CD163L1: variants seen among roughly 807,000 people sequenced by gnomAD.
The protein encoded by CD163L1 is CD163 molecule like 1.
In CD163L1, 124 loss-of-function variants were observed where a neutral mutation model predicts 165.4. The ratio of observed to expected loss-of-function variants is 0.75; its 90% CI spans 0.65 to 0.87. The LOEUF (loss-of-function observed/expected upper bound fraction) is 0.87, where lower values mean the gene tolerates loss of function less well. Among genes scored for constraint, CD163L1 ranks in the 40% least tolerant of loss-of-function variants. The probability of loss-of-function intolerance (pLI) is 0.00; values close to 1 mark genes in which losing one functional copy is unlikely to be tolerated. For synonymous variants in CD163L1, 585 were observed against 662.2 expected (o/e 0.88, Z 1.79); for missense variants, 1,525 against 1,799.9 (o/e 0.85, Z 2.76).
At chr12:7,425,520 A>C (rs1948526065) in intron 4 of CD163L1, among the ~76,000 whole-genome samples, 1 of 152,230 alleles carries the variant, frequency 6.6e-6, no homozygotes, top group African/African-American at 2.4e-5. Context: ...TGCTCTGCAA[A>C]AGAAGTGAAC....
At chr12:7,320,033 C>G in the CD163L1 span, among the ~76,000 whole-genome samples, 5 of 152,124 alleles carry the variant, frequency 3.3e-5, no homozygotes, top group Non-Finnish European at 7.4e-5. Context: ...CTGTGACAAT[C>G]CAGGCAGCCC....
Position 7,403,826 on chromosome 12 carries a change from C to G in CD163L1, c.1117G>C (p.Asp373His). 1 of 1,613,504 alleles carries G rather than the reference C, an allele frequency of 6.2e-7. No individual in the cohort carries two copies. The highest frequency in any genetic ancestry group is 8.5e-7 in the Non-Finnish European group (1 of 1,179,816). The change falls in exon 6 of 20, where the codon GAT (aspartate) becomes CAT (histidine). Residue 373 changes from aspartate (D) to histidine (H), a missense_variant. By Grantham distance (81) the Asp-to-His change is moderately conservative. Coordinates refer to ENST00000313599, the MANE Select transcript of CD163L1 (RefSeq NM_174941.6). ...CTCCCTGAACAATTGTTACTTCCAT[C>G]TGCTAGTCGCAGTTCCAAATCTGCT... ...DGADLELRLA[D>H]GSNNCSGRVE... is the part of the protein sequence containing the mutation.
At chr12:7,434,269 C>A (rs1250721815) in intron 2 of CD163L1, among the ~76,000 whole-genome samples, 1 of 152,130 alleles carries the variant, frequency 6.6e-6, no homozygotes, top group African/African-American at 2.4e-5. Context: ...ATATGCTAGT[C>A]CACCTTCTCT....
Position 7,406,787 on chromosome 12 carries a change from T to G in CD163L1, c.832A>C (p.Lys278Gln). 5 of 1,614,072 alleles carry G rather than the reference T, an allele frequency of 3.1e-6. No individual in the cohort carries two copies. The highest frequency in any genetic ancestry group is 4.5e-5 in the East Asian group (2 of 44,870). The change falls in exon 5 of 20, where the codon AAA becomes CAA. Residue 278 changes from lysine to glutamine, a missense_variant. By Grantham distance (53) the Lys-to-Gln change is moderately conservative (BLOSUM62 1). Coordinates refer to ENST00000313599, the MANE Select transcript of CD163L1 (RefSeq NM_174941.6). ...TNRCMGRVEL[K>Q]IQGRWGTVCH... ...ACGGTCCCCCACCTTCCTTGGATTT[T>G]CAGCTCTACTCTCCCCATACAGCGG...
At chr12:7,438,060 G>A (rs911750982) in intron 2 of CD163L1, among the ~76,000 whole-genome samples, 18 of 151,768 alleles carry the variant, frequency 1.2e-4, no homozygotes, top group Admixed American at 1.1e-3. Flanking sequence ...ATTTTTACAT[G>A]ACTGTGTTCA....
the CD163L1 span, among the ~76,000 whole-genome samples, chr12:7,331,335 C>A: frequency 6.6e-6 from 1 of 152,246 alleles, no homozygotes; most frequent in Non-Finnish European, 1.5e-5. Flanking sequence ...AGCCTGCCTG[C>A]CTCTGTAGGC....
At chr12:7,349,522 T>C (rs1296392780) in intron 4 of CD163L1, among the ~76,000 whole-genome samples, 4 of 152,126 alleles carry the variant, frequency 2.6e-5, no homozygotes, top group African/African-American at 7.2e-5. Context: ...CTTTCAGGAA[T>C]TGCAAGTAAT....
chr12:7,391,990 CCACT>C (rs141078694), intron 8 of CD163L1, among the ~76,000 whole-genome samples: 17,692 of 151,982 alleles, frequency 0.12, 1,934 homozygotes, highest in African/African-American at 0.28. Context: ...CTTTAACACC[CCACT>C]GTGAATATTA....
At chr12:7,421,065 GTA>G (rs1400997696) in intron 4 of CD163L1, among the ~76,000 whole-genome samples, 2 of 82,942 alleles carry the variant, frequency 2.4e-5, no homozygotes, top group Non-Finnish European at 2.0e-5. Flanking sequence ...ACGTATATAT[GTA>G]TATATACGTA....
At chr12:7,415,224 G>A (rs1052123772) in intron 4 of CD163L1, among the ~76,000 whole-genome samples, 2 of 152,026 alleles carry the variant, frequency 1.3e-5, no homozygotes, top group Non-Finnish European at 2.9e-5. Context: ...GCATTTCATG[G>A]GAGTTAAGTT....
Position 7,373,541 on chromosome 12 carries a change from C to A in CD163L1, c.3509G>T (p.Arg1170Met), listed in dbSNP as rs971196157. ...YNGTWGSVGR[R>M]NITTAIAGIV... is the part of the protein sequence containing the mutation. ...GCCTGCTATGGCTGTGGTGATGTTCCTCCTGCCGACGCTGCCCCAGGTCCC... is the reference window on the plus strand; with the variant it reads ...GCCTGCTATGGCTGTGGTGATGTTCATCCTGCCGACGCTGCCCCAGGTCCC... The change falls in exon 14 of 20, where the codon AGG (arginine) becomes ATG (methionine). Residue 1170 changes from arginine to methionine, a missense_variant. Transcript: ENST00000313599. 6.2e-7 allele frequency: 1 copy of A among 1,614,088 alleles called. No homozygotes were observed. Among genetic ancestry groups the A allele is most frequent in the Admixed American group, 1.7e-5 (1 of 60,000 alleles).
Position 7,375,958 on chromosome 12 carries a change from C to T in CD163L1, c.2428G>A (p.Val810Met). The T allele has an allele frequency of 6.2e-7, 1 of 1,614,246 alleles. No homozygotes were observed. The highest frequency in any genetic ancestry group is 8.5e-7 in the Non-Finnish European group (1 of 1,180,040). The change falls in exon 10 of 20, where the codon GTG (valine) becomes ATG (methionine). Residue 810 changes from valine to methionine, a missense_variant. By Grantham distance (21) the Val-to-Met change is conservative. Coordinates refer to ENST00000313599, the MANE Select transcript of CD163L1 (RefSeq NM_174941.6). ...ADMPCSGRVEVKHADTWRSVC... is the reference protein window; with the variant it reads ...ADMPCSGRVEMKHADTWRSVC... ...GAGCGCCATGTGTCTGCATGTTTCA[C>T]TTCAACACGTCCAGAGCAGGGCATA...
At chr12:7,321,974 T>C in the CD163L1 span, among the ~76,000 whole-genome samples, 1 of 152,232 alleles carries the variant, frequency 6.6e-6, no homozygotes, top group African/African-American at 2.4e-5. Flanking sequence ...CATGGAAGGC[T>C]TTCGGCAAGT....
intron 4 of CD163L1, among the ~76,000 whole-genome samples, chr12:7,421,041 A>ATGTATATACG (rs1948347729): frequency 9.2e-6 from 1 of 108,620 alleles, no homozygotes; most frequent in Admixed American, 1.0e-4. Context: ...ATATACGTGT[A>ATGTATATACG]TATATATGTA....
intron 2 of CD163L1, among the ~76,000 whole-genome samples, chr12:7,437,228 A>ATACTATTTAAAT (rs377468948): frequency 4.7e-4 from 1 of 2,110 alleles, no homozygotes; most frequent in African/African-American, 7.0e-4. Flanking sequence ...TAGTATTTAA[A>ATACTATTTAAAT]AGTATTTACT....
chr12:7,357,634 G>A (rs998422242), intron 18 of CD163L1, 148 bp from the exon 19 acceptor site: 17 of 497,536 alleles, frequency 3.4e-5, no homozygotes, highest in East Asian at 1.5e-4. Context: ...CTTAGTTATC[G>A]TTTTGAAGTA....
At chr12:7,425,308 C>G (rs1326860748) in intron 4 of CD163L1, among the ~76,000 whole-genome samples, 4 of 152,154 alleles carry the variant, frequency 2.6e-5, no homozygotes, top group Non-Finnish European at 5.9e-5. Context: ...TGGAACCCTT[C>G]CTTACACTTT....
Position 7,368,325 on chromosome 12 carries a change from G to T in CD163L1, c.4073-128C>A. 1 of 565,570 alleles carries T rather than the reference G, an allele frequency of 1.8e-6. No individual in the cohort carries two copies. The allele number at this position is 565,570 out of a possible 1,614,324, so 35.0% of individuals were successfully genotyped here. A position where few individuals can be genotyped will look rare whatever the true frequency, so the allele number is the denominator to read the frequency against. ...TGGCTATACATTTCAACATATTCAT[G>T]AACAGTACGTAATCTTTGAGAGCTA... On this transcript the variant is annotated intron_variant, in intron 16 of 19. Coordinates refer to ENST00000313599, the MANE Select transcript of CD163L1 (RefSeq NM_174941.6). The surrounding 1 kb of genome is among the most constrained non-coding windows in gnomAD (Gnocchi z 4.3).
At chr12:7,348,207 A>G (rs75281375) in intron 4 of CD163L1, among the ~76,000 whole-genome samples, 9,145 of 152,280 alleles carry the variant, frequency 0.06, 335 homozygotes, top group African/African-American at 0.099. Context: ...AGTGTCAATC[A>G]TCTGCAACCA....
Sources: gnomAD v4.1 joint callset for allele counts (sites outside exome capture counted in the v4.1 genomes callset) on GRCh38, gnomAD v4.1.1 for gene constraint, Gnocchi (gnomAD v3.1) non-coding constraint, MANE v1.5 for transcripts, NCBI Gene and HGNC (gene_info 2026-07-23, HGNC 2026-07-21) for gene names.